FASTKD1: variants seen among roughly 807,000 people sequenced by gnomAD.
FASTKD1 encodes the protein FAST kinase domain-containing protein 1, mitochondrial.
FASTKD1 carries 94 observed loss-of-function variants against 90.9 expected under a neutral mutation model. The observed-to-expected ratio is 1.03, with a 90% CI of 0.88 to 1.23. FASTKD1 has a LOEUF of 1.23. FASTKD1 is among the 50% of genes most tolerant of loss of function. FASTKD1 has a pLI of 0.00. For synonymous variants in FASTKD1, 319 were observed against 345.8 expected (o/e 0.92, Z 0.86); for missense variants, 945 against 993.5 (o/e 0.95, Z 0.66).
chr2:169,541,719 G>A (rs1239419130), intron 9 of FASTKD1, among the ~76,000 whole-genome samples: 1 of 152,154 alleles, frequency 6.6e-6, no homozygotes, highest in Non-Finnish European at 1.5e-5. Context: ...AGCCTAACAT[G>A]TTATGCTGGA....
At position 169,541,395 on chromosome 2, in the gene FASTKD1, C is replaced by A. The variant is rs1403317362; in HGVS notation, c.1817-1216G>T. On this transcript the variant is annotated intron_variant, in intron 9 of 14. Transcript: ENST00000453153. ...TTCTGGTTGTCAACACATGACTGAACAACCAGGAGAATACAGTCTAAGTCT... is the reference window on the plus strand; with the variant it reads ...TTCTGGTTGTCAACACATGACTGAAAAACCAGGAGAATACAGTCTAAGTCT... Among the ~76,000 whole-genome samples, 3 of 152,152 alleles carry A rather than the reference C, an allele frequency of 2.0e-5. No homozygotes were observed. In the East Asian group the frequency reaches 5.8e-4, roughly 29 times the overall value.
intron 12 of FASTKD1, 83 bp from the exon 13 acceptor site, chr2:169,531,573 C>T: frequency 1.9e-6 from 2 of 1,056,938 alleles, no homozygotes; most frequent in South Asian, 3.4e-5. Flanking sequence ...AATATATATG[C>T]ATATAATATT....
chr2:169,560,448 C>A lies in FASTKD1; in HGVS notation c.910G>T (p.Ala304Ser). 2 of 1,583,392 alleles carry A rather than the reference C, an allele frequency of 1.3e-6. No individual in the cohort carries two copies. Among genetic ancestry groups the A allele is most frequent in the Non-Finnish European group, 1.7e-6 (2 of 1,170,758 alleles). Residue 304 changes from alanine (A) to serine (S), a missense_variant, in exon 5 of 15, where the codon GCT becomes TCT. Coordinates refer to ENST00000453153, the MANE Select transcript of FASTKD1 (RefSeq NM_024622.6). ...TEMIPLCNHP[A>S]SFVKLFVALG... ...GCTACAAACAATTTTACAAAGCTAG[C>A]AGGATGATTACACAGAGGAATCATT...
At chr2:169,561,806 A>T (rs1464093922) in intron 4 of FASTKD1, among the ~76,000 whole-genome samples, 3 of 145,588 alleles carry the variant, frequency 2.1e-5, no homozygotes, top group African/African-American at 7.5e-5. Context: ...ATTATTTATT[A>T]ATTTATTGTA....
Position 169,571,822 on chromosome 2 carries a change from A to C in FASTKD1, c.208T>G (p.Cys70Gly). ...AGCTTCCAAAGCATATCAAATGCAC[A>C]TCCCACTTGCTTTTCTGAAAGTATG... ...KAILSEKQVG[C>G]AFDMLWKLQK... Residue 70 changes from cysteine (C) to glycine (G), a missense_variant, in exon 2 of 15, where the codon TGT becomes GGT. Physicochemically the swap from Cys to Gly is radical, Grantham distance 159 (BLOSUM62 -3). Transcript: ENST00000453153. 6.2e-7 allele frequency: 1 copy of C among 1,614,096 alleles called. No individual in the cohort carries two copies. Among genetic ancestry groups the C allele is most frequent in the South Asian group, 1.1e-5 (1 of 91,076 alleles).
chr2:169,569,947 T>A (rs1223203298), intron 2 of FASTKD1, among the ~76,000 whole-genome samples: 3 of 152,044 alleles, frequency 2.0e-5, no homozygotes, highest in Non-Finnish European at 4.4e-5. Flanking sequence ...ACTTTAAGCA[T>A]CCCCTTCAAG....
At chr2:169,561,714 T>C (rs1378233796) in intron 4 of FASTKD1, among the ~76,000 whole-genome samples, 1 of 142,280 alleles carries the variant, frequency 7.0e-6, no homozygotes, top group African/African-American at 2.5e-5. Context: ...TATTATAAAT[T>C]AATTATTAAT....
At chr2:169,572,261 G>T (rs967442707) in intron 1 of FASTKD1, 90 bp from the exon 2 acceptor site, 13 of 343,514 alleles carry the variant, frequency 3.8e-5, no homozygotes, top group Admixed American at 3.2e-4. Context: ...CATTTTTTCT[G>T]CATTAACTAA....
At chr2:169,572,752 A>C (rs1321874508) in intron 1 of FASTKD1, among the ~76,000 whole-genome samples, 3 of 152,140 alleles carry the variant, frequency 2.0e-5, no homozygotes, top group African/African-American at 7.2e-5. Context: ...TAAAGCACCA[A>C]TCAAGAAATA....
chr2:169,555,853 A>T (rs945466489), intron 6 of FASTKD1, among the ~76,000 whole-genome samples: 3 of 152,236 alleles, frequency 2.0e-5, no homozygotes, highest in Non-Finnish European at 4.4e-5. Context: ...ACTTCAAGGT[A>T]ACATTGTGGT....
intron 12 of FASTKD1, among the ~76,000 whole-genome samples, chr2:169,534,619 C>T (rs1352417660): frequency 6.6e-6 from 1 of 151,930 alleles, no homozygotes; most frequent in African/African-American, 2.4e-5. Context: ...GCCACCACGC[C>T]CAGCTAATTT....
In FASTKD1 at chr2:169,550,088, T is replaced by C. The variant is rs185315934; in HGVS notation, c.1215-3384A>G. On this transcript the variant is annotated intron_variant, in intron 7 of 14. Coordinates refer to ENST00000453153, the MANE Select transcript of FASTKD1 (RefSeq NM_024622.6). Reference sequence around the variant, plus strand: ...TGTTTCCCAGGCTGATCTCCAACTCTTGGGCTCAAGTGATCCTCCTGCCTC... The same window carrying C: ...TGTTTCCCAGGCTGATCTCCAACTCCTGGGCTCAAGTGATCCTCCTGCCTC... Among the ~76,000 whole-genome samples the C allele has an allele frequency of 2.0e-4, 30 of 152,130 alleles. No homozygotes were observed. The East Asian group carries it at 5.6e-3, about 29-fold the overall frequency.
chr2:169,539,924 A>G (rs1684894908), intron 10 of FASTKD1, 127 bp downstream of exon 10: 2 of 483,444 alleles, frequency 4.1e-6, no homozygotes, highest in Non-Finnish European at 7.0e-6. Context: ...AAATTTCTAC[A>G]ATAAGCATGA....
At chr2:169,561,018 G>T (rs577568106) in intron 4 of FASTKD1, among the ~76,000 whole-genome samples, 2 of 150,934 alleles carry the variant, frequency 1.3e-5, no homozygotes, top group African/African-American at 4.8e-5. Flanking sequence ...AAGGCAAGGG[G>T]CTGGGCATGG....
intron 8 of FASTKD1, 115 bp downstream of exon 8, chr2:169,546,099 AATTT>A (rs1685178901): frequency 8.9e-7 from 1 of 1,124,218 alleles, no homozygotes; most frequent in Non-Finnish European, 1.2e-6. Flanking sequence ...TCTGACCCAG[AATTT>A]ATTTAATTTT....
Position 169,563,366 on chromosome 2 carries a change from T to C in FASTKD1, c.447-16A>G, listed in dbSNP as rs1380482172. On this transcript the variant is annotated splice_polypyrimidine_tract_variant and intron_variant, in intron 3 of 14. Transcript: ENST00000453153. ...AATATCAAACCTATTAAAGGAAATA[T>C]ACAAAGGAGAACATTAGTATTTACT... 23 of 1,554,882 alleles carry C rather than the reference T, an allele frequency of 1.5e-5. No homozygotes were observed. Among genetic ancestry groups the C allele is most frequent in the Non-Finnish European group, 1.8e-5 (21 of 1,136,452 alleles).
intron 4 of FASTKD1, among the ~76,000 whole-genome samples, chr2:169,561,742 T>TTAA (rs1683618499): frequency 2.0e-5 from 3 of 147,374 alleles, no homozygotes; most frequent in Non-Finnish European, 3.0e-5. Flanking sequence ...AAATTAATTA[T>TTAA]TCATTATAAA....
At chr2:169,564,413 T>C (rs1448314113) in intron 3 of FASTKD1, among the ~76,000 whole-genome samples, 1 of 152,020 alleles carries the variant, frequency 6.6e-6, no homozygotes, top group African/African-American at 2.4e-5. Flanking sequence ...ACCTCAGCAT[T>C]TTTATTAAAA....
chr2:169,532,045 C>G (rs1000961839), intron 12 of FASTKD1, among the ~76,000 whole-genome samples: 3 of 152,156 alleles, frequency 2.0e-5, no homozygotes, highest in Non-Finnish European at 4.4e-5. Context: ...CTAAAATCAG[C>G]AGGTGAAAAG....
Sources: allele counts gnomAD v4.1 joint callset (sites outside exome capture counted in the v4.1 genomes callset), GRCh38; gene constraint gnomAD v4.1.1; transcripts MANE v1.5; gene names NCBI Gene and HGNC (gene_info 2026-07-23, HGNC 2026-07-21).